The following C14orf39 variants were observed in gnomAD, a reference collection of about 807,000 sequenced individuals.
The protein encoded by C14orf39 is chromosome 14 open reading frame 39.
Under a neutral mutation model 85.6 loss-of-function variants are expected in C14orf39, and 66 were observed. The ratio of observed to expected loss-of-function variants is 0.77; its 90% CI spans 0.63 to 0.95. The LOEUF (loss-of-function observed/expected upper bound fraction) is 0.95, where lower values mean the gene tolerates loss of function less well. Ranked by LOEUF, C14orf39 falls within the 40% of genes least tolerant of loss-of-function variation. The probability of loss-of-function intolerance (pLI) is 0.00; values close to 1 mark genes in which losing one functional copy is unlikely to be tolerated. For missense variants in C14orf39, 735 were observed against 663.9 expected (o/e 1.11, Z -1.18); for synonymous variants, 242 against 214.0 (o/e 1.13, Z -1.14).
intron 2 of C14orf39, among the ~76,000 whole-genome samples, chr14:60,498,867 C>T (rs1374234488): frequency 1.3e-5 from 2 of 152,114 alleles, no homozygotes; most frequent in Non-Finnish European, 2.9e-5. Flanking sequence ...GTGAAAACCC[C>T]CACTGGACTC....
At chr14:60,457,127 A>G in intron 14 of C14orf39, 32 bp from the exon 15 acceptor site, 1 of 1,414,914 alleles carries the variant, frequency 7.1e-7, no homozygotes, top group African/African-American at 1.5e-5. Flanking sequence ...AAACTATAAA[A>G]CAAATGCTGC....
Position 60,458,731 on chromosome 14 carries a change from A to G in C14orf39, c.1126T>C (p.Tyr376His). ...WSEKGDKDAE[Y>H]GDKGTVRQVR... ...TGTCTTACTGTCCCTTTATCTCCAT[A>G]CTCAGCATCTGTTGTCATATGAGAA... is the stretch of plus-strand genomic sequence containing the variant. Residue 376 changes from tyrosine to histidine, a missense_variant, in exon 14 of 18, where the codon TAT (tyrosine) becomes CAT (histidine). Coordinates refer to ENST00000321731, the MANE Select transcript of C14orf39 (RefSeq NM_174978.3). The G allele has an allele frequency of 6.2e-7, 1 of 1,600,698 alleles. No homozygotes were observed. The highest frequency in any genetic ancestry group is 8.5e-7 in the Non-Finnish European group (1 of 1,172,782).
At chr14:60,509,558 C>T in intron 1 of C14orf39, 1 of 1,611,626 alleles carries the variant, frequency 6.2e-7, no homozygotes. Context: ...TGAGTCGGTG[C>T]TACGCGCACG....
intron 5 of C14orf39, among the ~76,000 whole-genome samples, chr14:60,476,034 C>T (rs1290356240): frequency 1.3e-5 from 2 of 152,084 alleles, no homozygotes; most frequent in Non-Finnish European, 2.9e-5. Flanking sequence ...TGCTAGTCAG[C>T]GGGTCTGAAT....
chr14:60,513,304 C>T (rs1893320196), intron 1 of C14orf39, among the ~76,000 whole-genome samples: 2 of 152,306 alleles, frequency 1.3e-5, no homozygotes, highest in Admixed American at 1.3e-4. Context: ...AGAGCTTCCT[C>T]AGTACTTAAT....
At chr14:60,472,450 T>C (rs754171667) in intron 5 of C14orf39, among the ~76,000 whole-genome samples, 1 of 152,180 alleles carries the variant, frequency 6.6e-6, no homozygotes, top group African/African-American at 2.4e-5. Flanking sequence ...GTGCACAACG[T>C]GCAGGTTTGT....
At chr14:60,480,739 G>C (rs1233513637) in intron 4 of C14orf39, among the ~76,000 whole-genome samples, 1 of 150,764 alleles carries the variant, frequency 6.6e-6, no homozygotes, top group Admixed American at 6.7e-5. Context: ...ATGAAAGTGT[G>C]GCATAGATAC....
chr14:60,494,491 G>A (rs1489449159), intron 2 of C14orf39: 1 of 152,732 alleles, frequency 6.5e-6, no homozygotes, highest in Non-Finnish European at 1.5e-5. Context: ...ATGGCCAAGG[G>A]TCTGATAAAT....
rs1241744924 is a variant in C14orf39, at chr14:60,483,802, A to G, written c.122T>C (p.Ile41Thr). The change falls in exon 4 of 18, where the codon ATT becomes ACT. Residue 41 changes from isoleucine (I) to threonine (T), a missense_variant. Ile to Thr is a moderately conservative substitution (Grantham distance 89, BLOSUM62 -1). Transcript: ENST00000321731. ...ACAAATAGTTACTTTGTTTTCCTTAATATCTTCACAGCATTCTACAAAGAG... is the reference window on the plus strand; with the variant it reads ...ACAAATAGTTACTTTGTTTTCCTTAGTATCTTCACAGCATTCTACAAAGAG... ...IQRINKCCED[I>T]KENKVTICRI... 17 of 1,510,220 alleles carry G rather than the reference A, an allele frequency of 1.1e-5. No homozygotes were observed. Among genetic ancestry groups the G allele is most frequent in the Non-Finnish European group, 1.5e-5 (16 of 1,094,012 alleles). 93.6% of individuals were successfully genotyped at this position (1,510,220 alleles called of 1,614,324 possible). A position where few individuals can be genotyped will look rare whatever the true frequency, so the allele number is the denominator to read the frequency against.
At chr14:60,454,618 C>T (rs929292107) in intron 16 of C14orf39, among the ~76,000 whole-genome samples, 1 of 151,918 alleles carries the variant, frequency 6.6e-6, no homozygotes, top group Non-Finnish European at 1.5e-5. Context: ...TTAAAATTAA[C>T]CAGTGATAAT....
intron 1 of C14orf39, among the ~76,000 whole-genome samples, chr14:60,504,917 C>T (rs1893184885): frequency 6.6e-6 from 1 of 152,206 alleles, no homozygotes; most frequent in East Asian, 1.9e-4. Context: ...GCTAATTAAT[C>T]ATCACTGTGA....
At chr14:60,445,578 A>T (rs1002986950) in intron 16 of C14orf39, among the ~76,000 whole-genome samples, 2 of 152,196 alleles carry the variant, frequency 1.3e-5, no homozygotes, top group Non-Finnish European at 2.9e-5. Flanking sequence ...GTCATTAGAG[A>T]GCTACAAAGA....
chr14:60,491,506 C>G lies in C14orf39; in HGVS notation c.-8-6420G>C, dbSNP rs1263762805. 6.6e-6 allele frequency among the ~76,000 whole-genome samples: 1 copy of G among 152,094 alleles called. No homozygotes were observed. The highest frequency in any genetic ancestry group is 2.4e-5 in the African/African-American group (1 of 41,402). On this transcript the variant is annotated intron_variant, in intron 2 of 5. Coordinates refer to the C14orf39 transcript ENST00000556799. This position sits in a 1 kb window ranked among gnomAD's most constrained non-coding sequence, Gnocchi z 4.5. The stretch of plus-strand genomic sequence containing the variant: ...CATGTATTTCCCCCACTAATGCTGA[C>G]CTCCTTCATCCTTTTCATTAATGAG...
intron 2 of C14orf39, chr14:60,494,914 C>G (rs1362443090): frequency 1.3e-5 from 2 of 158,060 alleles, no homozygotes; most frequent in African/African-American, 4.8e-5. Context: ...ATCATCATGA[C>G]AGATGGCACT....
chr14:60,462,697 C>A (rs1187457627), intron 11 of C14orf39, among the ~76,000 whole-genome samples: 1 of 152,130 alleles, frequency 6.6e-6, no homozygotes, highest in African/African-American at 2.4e-5. Flanking sequence ...CCACGGCCTG[C>A]AGGCTGCATG....
At chr14:60,437,343 C>T (rs1890301801) in intron 17 of C14orf39, among the ~76,000 whole-genome samples, 1 of 151,906 alleles carries the variant, frequency 6.6e-6, no homozygotes, top group South Asian at 2.1e-4. Context: ...GAGACTGATA[C>T]AGAGGCACAG....
chr14:60,483,704 C>A lies in C14orf39; in HGVS notation c.220G>T (p.Asp74Tyr). ...HYCKHSEEIK[D>Y]NCRNWKPTCD... Reference sequence around the variant, plus strand: ...TCAAATACTCACTTTCTACAGTTGTCTTTAATCTCCTCACTATGTTTACAG... The same window carrying A: ...TCAAATACTCACTTTCTACAGTTGTATTTAATCTCCTCACTATGTTTACAG... The change falls in exon 4 of 18, where the codon GAC (aspartate) becomes TAC (tyrosine). Residue 74 changes from aspartate to tyrosine, a missense_variant. Physicochemically the swap from Asp to Tyr is radical, Grantham distance 160 (BLOSUM62 -3). Coordinates refer to ENST00000321731, the MANE Select transcript of C14orf39 (RefSeq NM_174978.3). The A allele has an allele frequency of 6.3e-7, 1 of 1,589,714 alleles. No individual in the cohort carries two copies. Among genetic ancestry groups the A allele is most frequent in the South Asian group, 1.2e-5 (1 of 86,574 alleles).
intron 16 of C14orf39, among the ~76,000 whole-genome samples, chr14:60,451,017 G>T: frequency 6.6e-6 from 1 of 152,168 alleles, no homozygotes; most frequent in African/African-American, 2.4e-5. Context: ...AGACTGTGAA[G>T]ACTACAGTAA....
chr14:60,442,037 A>T, intron 17 of C14orf39, 37 bp downstream of exon 17: 1 of 1,460,846 alleles, frequency 6.8e-7, no homozygotes, highest in South Asian at 1.2e-5. Context: ...TAATGAGTTA[A>T]CATGTTTTTA....
Sources: gnomAD v4.1 joint callset for allele counts (sites outside exome capture counted in the v4.1 genomes callset) on GRCh38, gnomAD v4.1.1 for gene constraint, Gnocchi (gnomAD v3.1) non-coding constraint, MANE v1.5 for transcripts, NCBI Gene and HGNC (gene_info 2026-07-23, HGNC 2026-07-21) for gene names.